TJP1: variants seen among roughly 807,000 people sequenced by gnomAD.
TJP1 encodes the protein tight junction protein ZO-1.
In TJP1, 43 loss-of-function variants were observed where a neutral mutation model predicts 194.2. The ratio of observed to expected loss-of-function variants is 0.22; its 90% CI spans 0.17 to 0.29. The LOEUF is 0.29. Among genes scored for constraint, TJP1 ranks in the 10% least tolerant of loss-of-function variants. TJP1 has a pLI of 1.00. For missense variants in TJP1, 1,971 were observed against 2,185.7 expected (o/e 0.90, Z 1.96); for synonymous variants, 801 against 779.0 (o/e 1.03, Z -0.47).
At chr15:29,714,763 G>A (rs936156179) in intron 23 of TJP1, among the ~76,000 whole-genome samples, 1 of 151,210 alleles carries the variant, frequency 6.6e-6, no homozygotes, top group Admixed American at 6.6e-5. Flanking sequence ...GGATGGTCTC[G>A]ATCTCCTGAC....
At chr15:29,819,615 T>C (rs1007831534) in intron 1 of TJP1, among the ~76,000 whole-genome samples, 3 of 152,222 alleles carry the variant, frequency 2.0e-5, no homozygotes, top group Non-Finnish European at 4.4e-5. Flanking sequence ...TTCCAAAATT[T>C]TGTCGCTATC....
intron 2 of TJP1, among the ~76,000 whole-genome samples, chr15:29,909,928 A>C (rs569809520): frequency 1.3e-5 from 2 of 152,260 alleles, no homozygotes; most frequent in East Asian, 3.9e-4. Context: ...TTTTAATTTT[A>C]ATTATTCTTT....
At chr15:29,961,173 C>G (rs1339876037) in intron 1 of TJP1, among the ~76,000 whole-genome samples, 1 of 152,080 alleles carries the variant, frequency 6.6e-6, no homozygotes, top group African/African-American at 2.4e-5. Context: ...TACTACTCTT[C>G]CCCAGCCCTG....
At chr15:29,890,957 G>C (rs1213377338) in intron 2 of TJP1, among the ~76,000 whole-genome samples, 1 of 152,232 alleles carries the variant, frequency 6.6e-6, no homozygotes, top group Non-Finnish European at 1.5e-5. Context: ...AAAGGTATGA[G>C]GGAGGCAAGG....
At chr15:29,906,770 G>A (rs1190550595) in intron 2 of TJP1, among the ~76,000 whole-genome samples, 2 of 151,494 alleles carry the variant, frequency 1.3e-5, no homozygotes, top group Non-Finnish European at 2.9e-5. Context: ...AGTAGCGATG[G>A]GGTTTCACCA....
chr15:29,834,474 TC>T (rs1354628136), intron 2 of TJP1, among the ~76,000 whole-genome samples: 8 of 152,156 alleles, frequency 5.3e-5, no homozygotes, highest in Admixed American at 2.0e-4. Context: ...TGCCTTGGCC[TC>T]CCAGAGTGCT....
intron 16 of TJP1, 126 bp from the exon 17 acceptor site, chr15:29,727,117 G>C (rs2043289220): frequency 1.3e-6 from 1 of 765,930 alleles, no homozygotes; most frequent in African/African-American, 1.8e-5. Context: ...GTCGAGGTGG[G>C]TGAATCACTT....
At chr15:29,699,411 T>C (rs930778550), downstream of TJP1, 3 of 152,156 alleles carry the variant, frequency 2.0e-5, no homozygotes, top group Admixed American at 6.5e-5. Flanking sequence ...AAGGCAACTA[T>C]AGAAACAGAA....
chr15:29,824,417 T>G (rs1445229674), upstream of TJP1, among the ~76,000 whole-genome samples: 1 of 151,028 alleles, frequency 6.6e-6, no homozygotes, highest in African/African-American at 2.4e-5. Flanking sequence ...CACTCCAGCC[T>G]GGGCAACAAG....
rs561436323 is a variant in TJP1, at chr15:29,760,116, G to A, written c.1010+1023C>T. 4.9e-4 allele frequency: 315 copies of A among 637,302 alleles called. 6 individuals are homozygous for A. The South Asian group carries it at 5.2e-3, about 11-fold the overall frequency. The allele number at this position is 637,302 out of a possible 1,614,324, so 39.5% of individuals were successfully genotyped here. ...TAAGGGTTCCCTTTTCTTCTAAACTGTCTCTTCAGCCCTGGACTCATGTTT... is the reference window on the plus strand; with the variant it reads ...TAAGGGTTCCCTTTTCTTCTAAACTATCTCTTCAGCCCTGGACTCATGTTT... On this transcript the variant is annotated intron_variant, in intron 8 of 27. Coordinates refer to ENST00000614355, the MANE Select transcript of TJP1 (RefSeq NM_001330239.4).
chr15:29,859,393 A>C (rs554819030), intron 2 of TJP1, among the ~76,000 whole-genome samples: 11 of 152,322 alleles, frequency 7.2e-5, no homozygotes, highest in Non-Finnish European at 1.3e-4. Flanking sequence ...AACAGAACCC[A>C]AAGTGCAAGG....
intron 2 of TJP1, among the ~76,000 whole-genome samples, chr15:29,926,512 T>G (rs577313085): frequency 1.5e-4 from 23 of 151,368 alleles, no homozygotes; most frequent in African/African-American, 5.6e-4. Flanking sequence ...CTCGGGAGGC[T>G]GAGGCAGGAG....
intron 2 of TJP1, among the ~76,000 whole-genome samples, chr15:29,945,774 TAA>T (rs1231999650): frequency 3.3e-5 from 4 of 121,048 alleles, no homozygotes; most frequent in African/African-American, 1.3e-4. Context: ...TTAAGGCTAT[TAA>T]ACACACACAC....
chr15:29,737,908 T>TA (rs986860368), intron 10 of TJP1, among the ~76,000 whole-genome samples: 5 of 152,180 alleles, frequency 3.3e-5, no homozygotes, highest in Admixed American at 3.3e-4. Flanking sequence ...GAGTGATTTT[T>TA]AAAAAAACTT....
At chr15:29,869,969 G>C (rs1429169317) in intron 2 of TJP1, among the ~76,000 whole-genome samples, 1 of 151,496 alleles carries the variant, frequency 6.6e-6, no homozygotes, top group African/African-American at 2.4e-5. Context: ...ACCACGTCTG[G>C]CTAATTTTTT....
chr15:29,731,808 A>C (rs1055667836), intron 15 of TJP1, among the ~76,000 whole-genome samples: 3 of 152,128 alleles, frequency 2.0e-5, no homozygotes, highest in Non-Finnish European at 4.4e-5. Flanking sequence ...GGCTTGGAAA[A>C]AAAAAAAAGA....
Position 29,769,134 on chromosome 15 carries a change from A to G in TJP1, c.313-2592T>C, listed in dbSNP as rs916450089. ...TAACAACACATGAGGTATGTATGAC[A>G]AAAGGCTAATAATCTGACTACAGAA... is the stretch of plus-strand genomic sequence containing the variant. On this transcript the variant is annotated intron_variant, in intron 4 of 27. Transcript: ENST00000614355. Among the ~76,000 whole-genome samples the G allele has an allele frequency of 4.6e-5, 7 of 152,364 alleles. No homozygotes were observed. In the East Asian group the frequency reaches 1.2e-3, roughly 25 times the overall value.
chr15:29,784,540 G>A (rs1326036719), intron 2 of TJP1, among the ~76,000 whole-genome samples: 1 of 152,100 alleles, frequency 6.6e-6, no homozygotes. Flanking sequence ...CTGACCTCAG[G>A]TGATCCATCC....
chr15:29,718,110 T>C lies in TJP1; in HGVS notation c.3885A>G (p.Glu1295=). The C allele has an allele frequency of 6.3e-7, 1 of 1,586,352 alleles. No individual in the cohort carries two copies. The highest frequency in any genetic ancestry group is 8.5e-7 in the Non-Finnish European group (1 of 1,172,040). Residue 1295 remains glutamate (E), a synonymous_variant, in exon 22 of 28, where the codon GAA becomes GAG. Coordinates refer to ENST00000614355, the MANE Select transcript of TJP1 (RefSeq NM_001330239.4). The part of the protein sequence containing the change: ...VNDTGSFKPP[E]VASKPSGAPI... ...GAGCACCTGAAGGTTTAGATGCTAC[T>C]TCTGGAGGCTGTTTAAAAAAAAAAA...
Sources: allele counts gnomAD v4.1 joint callset (sites outside exome capture counted in the v4.1 genomes callset), GRCh38; gene constraint gnomAD v4.1.1; transcripts MANE v1.5; gene names NCBI Gene and HGNC (gene_info 2026-07-23, HGNC 2026-07-21).